The following CHD4 variants were observed in gnomAD, a reference collection of about 807,000 sequenced individuals.
The protein encoded by CHD4 is ATP-dependent chromatin remodeler CHD4.
Under a neutral mutation model 235.5 loss-of-function variants are expected in CHD4, and 35 were observed. The observed-to-expected ratio is 0.15, with a 90% CI of 0.11 to 0.20. The LOEUF (loss-of-function observed/expected upper bound fraction) is 0.20. Among genes scored for constraint, CHD4 ranks in the 10% least tolerant of loss-of-function variants. The pLI, the probability that CHD4 is intolerant of heterozygous loss-of-function variation, is 1.00. For missense variants in CHD4, 1,329 were observed against 2,432.3 expected (o/e 0.55, Z 9.54); for synonymous variants, 900 against 850.2 (o/e 1.06, Z -1.02).
chr12:6,597,190 G>C (rs961245931), intron 12 of CHD4, among the ~76,000 whole-genome samples: 8 of 147,730 alleles, frequency 5.4e-5, no homozygotes, highest in Admixed American at 4.7e-4. Flanking sequence ...GCAGGAAAAT[G>C]GCGTGAACCC....
chr12:6,574,020 C>CA (rs1007652498), intron 37 of CHD4, among the ~76,000 whole-genome samples: 23 of 148,824 alleles, frequency 1.5e-4, no homozygotes, highest in African/African-American at 3.7e-4. Flanking sequence ...GAAACTGTCT[C>CA]AAAAAAAAAG....
chr12:6,601,881 T>A, intron 4 of CHD4, 79 bp downstream of exon 4: 5 of 1,568,124 alleles, frequency 3.2e-6, no homozygotes, highest in Non-Finnish European at 4.4e-6. Flanking sequence ...GAGAAAGTGT[T>A]CTAAAGGGCA....
intron 25 of CHD4, 89 bp downstream of exon 25, chr12:6,587,294 AT>A: frequency 1.5e-6 from 2 of 1,359,034 alleles, no homozygotes; most frequent in Non-Finnish European, 2.0e-6. Context: ...GCCTACAGAT[AT>A]TTTCCACTTG....
In CHD4 at chr12:6,593,254, T is replaced by A; in HGVS notation, c.2515-26A>T. 1 of 1,613,740 alleles carries A rather than the reference T, an allele frequency of 6.2e-7. No individual in the cohort carries two copies. Among genetic ancestry groups the A allele is most frequent in the Non-Finnish European group, 8.5e-7 (1 of 1,179,930 alleles). On this transcript the variant is annotated intron_variant, in intron 16 of 39. Coordinates refer to ENST00000544040, the MANE Select transcript of CHD4 (RefSeq NM_001273.5). This position sits in a 1 kb window ranked among gnomAD's most constrained non-coding sequence, Gnocchi z 4.9. ...CTGCACATGAAGGCAACTTGGTCAC[T>A]ACTAGTCAGTTCCTCTGTGTAAGCA...
Position 6,582,191 on chromosome 12 carries a change from C to G in CHD4, c.4461G>C (p.Leu1487=), listed in dbSNP as rs1397191359. ...TTCTAGTAAGGACATGCTGGCGAGA[C>G]AGGCCTTCTCGGGGGACACCATCAG... ...TFADGVPREG[L]SRQHVLTRIG... The change falls in exon 30 of 40, where the codon CTG becomes CTC. Residue 1487 remains leucine (L), a synonymous_variant. Coordinates refer to ENST00000544040, the MANE Select transcript of CHD4 (RefSeq NM_001273.5). 6.2e-7 allele frequency: 1 copy of G among 1,602,708 alleles called. No individual in the cohort carries two copies. Among genetic ancestry groups the G allele is most frequent in the Admixed American group, 1.8e-5 (1 of 56,610 alleles).
Position 6,587,576 on chromosome 12 carries a change from G to T in CHD4, c.3704-17C>A, listed in dbSNP as rs769951286. On this transcript the variant is annotated splice_polypyrimidine_tract_variant and intron_variant, in intron 24 of 39. Transcript: ENST00000544040. ...TGTCTCCTCCTATAAAAAATCAAGGGCCCACATCCCCAAAGTCAGTTTCAG... is the reference window on the plus strand; with the variant it reads ...TGTCTCCTCCTATAAAAAATCAAGGTCCCACATCCCCAAAGTCAGTTTCAG... 2 of 1,612,842 alleles carry T rather than the reference G, an allele frequency of 1.2e-6. No individual in the cohort carries two copies. Among genetic ancestry groups the T allele is most frequent in the Non-Finnish European group, 1.7e-6 (2 of 1,179,324 alleles).
chr12:6,601,634 C>A lies in CHD4; in HGVS notation c.557+14G>T. On this transcript the variant is annotated intron_variant, in intron 5 of 39. Coordinates refer to ENST00000544040, the MANE Select transcript of CHD4 (RefSeq NM_001273.5). Reference sequence around the variant, plus strand: ...AGATTCTCCTCCCCCTTCCCCAAACCCCTTCTGTTTTACCTGACAAACTGG... The same window carrying A: ...AGATTCTCCTCCCCCTTCCCCAAACACCTTCTGTTTTACCTGACAAACTGG... 1 of 1,613,804 alleles carries A rather than the reference C, an allele frequency of 6.2e-7. No homozygotes were observed. The highest frequency in any genetic ancestry group is 8.5e-7 in the Non-Finnish European group (1 of 1,179,736).
At chr12:6,576,390 A>G (rs1291688196) in intron 37 of CHD4, among the ~76,000 whole-genome samples, 3 of 152,092 alleles carry the variant, frequency 2.0e-5, no homozygotes. Flanking sequence ...TCTCACTCCA[A>G]TGCCTAGGCT....
chr12:6,578,232 C>G, intron 35 of CHD4, 95 bp from the exon 36 acceptor site: 2 of 1,341,184 alleles, frequency 1.5e-6, no homozygotes, highest in Non-Finnish European at 2.1e-6. Context: ...CCATCCCCTA[C>G]CCCTGGATCC....
At position 6,600,384 on chromosome 12, in the gene CHD4, C is replaced by T. The variant is rs780281349; in HGVS notation, c.1075G>A (p.Val359Met). The T allele has an allele frequency of 5.0e-6, 8 of 1,614,076 alleles. No homozygotes were observed. The highest frequency in any genetic ancestry group is 6.8e-6 in the Non-Finnish European group (8 of 1,180,000). Residue 359 changes from valine (V) to methionine (M), a missense_variant, in exon 9 of 40, where the codon GTG becomes ATG. Around this residue, in one of 26 missense-constraint regions of CHD4, gnomAD observed 160 missense variants for 196.6 expected, o/e 0.81. Coordinates refer to ENST00000544040, the MANE Select transcript of CHD4 (RefSeq NM_001273.5). Reference sequence around the variant, plus strand: ...GTCTCATAACCATCCACAGCAGTCACCTCCTCCTCGCCTGGGCAAGGAAGA... The same window carrying T: ...GTCTCATAACCATCCACAGCAGTCATCTCCTCCTCGCCTGGGCAAGGAAGA... Reference protein sequence around the residue: ...TKKKKKGEEEVTAVDGYETDH... With the variant: ...TKKKKKGEEEMTAVDGYETDH...
Position 6,577,725 on chromosome 12 carries a change from A to G in CHD4, c.5361+60T>C, listed in dbSNP as rs536450054. ...TGGATGGACAGACTCCCTCTGCTGC[A>G]GGACGTTACGCACTTTCAAGTTTGT... On this transcript the variant is annotated intron_variant, in intron 37 of 39. Coordinates refer to ENST00000544040, the MANE Select transcript of CHD4 (RefSeq NM_001273.5). 1,065 of 1,602,142 alleles carry G rather than the reference A, an allele frequency of 6.6e-4. 13 individuals carry two copies. In the South Asian group the frequency reaches 0.011, roughly 16 times the overall value.
In CHD4 at chr12:6,593,843, C is replaced by CT. The variant is rs1037971580; in HGVS notation, c.2314-228dup. Reference sequence around the variant, plus strand: ...ACCTCTCCCATTAAGTCTTTATATACTTTTTTTCTGAGACGGAGTTTCACT... The same window carrying CT: ...ACCTCTCCCATTAAGTCTTTATATACTTTTTTTTCTGAGACGGAGTTTCACT... On this transcript the variant is annotated intron_variant, in intron 15 of 39. Transcript: ENST00000544040. The surrounding 1 kb of genome is among the most constrained non-coding windows in gnomAD (Gnocchi z 4.9). Among the ~76,000 whole-genome samples, 1 of 152,176 alleles carries CT rather than the reference C, an allele frequency of 6.6e-6. No homozygotes were observed. Among genetic ancestry groups the CT allele is most frequent in the South Asian group, 2.1e-4 (1 of 4,814 alleles).
In CHD4 at chr12:6,571,051, A is replaced by T. The variant is rs1947958893; in HGVS notation, c.5558-19T>A. The T allele has an allele frequency of 6.2e-7, 1 of 1,612,566 alleles. No individual in the cohort carries two copies. The highest frequency in any genetic ancestry group is 1.7e-5 in the Admixed American group (1 of 59,934). Reference sequence around the variant, plus strand: ...TTCAGAACTGCATAGGGAGAAAAAGAGGTGGTGAGCTGTGGTGGCCCAGAC... The same window carrying T: ...TTCAGAACTGCATAGGGAGAAAAAGTGGTGGTGAGCTGTGGTGGCCCAGAC... On this transcript the variant is annotated intron_variant, in intron 38 of 39. Coordinates refer to ENST00000544040, the MANE Select transcript of CHD4 (RefSeq NM_001273.5).
chr12:6,606,393 G>A lies in CHD4; in HGVS notation c.-20C>T. The A allele has an allele frequency of 3.2e-6, 5 of 1,552,868 alleles. No homozygotes were observed. The highest frequency in any genetic ancestry group is 4.4e-6 in the Non-Finnish European group (5 of 1,147,638). Reference sequence around the variant, plus strand: ...CGCCATCCCCTTCCGCTCCCGGCCAGGGAATTGGCCCAGCTGCTCCTGCCG... The same window carrying A: ...CGCCATCCCCTTCCGCTCCCGGCCAAGGAATTGGCCCAGCTGCTCCTGCCG... On this transcript the variant is annotated 5_prime_UTR_variant, in exon 2 of 40. Transcript: ENST00000544040.
At position 6,596,195 on chromosome 12, in the gene CHD4, T is replaced by A. The variant is rs114554098; in HGVS notation, c.1893-58A>T. ...AGAAAAGGCAACCCTCCTCACTTCCTCTCAAAAACTGGCAATACCGTTTGT... is the reference window on the plus strand; with the variant it reads ...AGAAAAGGCAACCCTCCTCACTTCCACTCAAAAACTGGCAATACCGTTTGT... On this transcript the variant is annotated intron_variant, in intron 12 of 39. Transcript: ENST00000544040. 6.5e-4 allele frequency: 1,044 copies of A among 1,597,514 alleles called. 9 individuals carry two copies. The African/African-American group carries it at 0.012, about 19-fold the overall frequency.
Position 6,600,404 on chromosome 12 carries a change from G to C in CHD4, c.1064-9C>G. On this transcript the variant is annotated splice_polypyrimidine_tract_variant and intron_variant, in intron 8 of 39. Coordinates refer to ENST00000544040, the MANE Select transcript of CHD4 (RefSeq NM_001273.5). ...AGTCACCTCCTCCTCGCCTGGGCAAGGAAGAGGGAAAGCCCAGTTATTGGA... is the reference window on the plus strand; with the variant it reads ...AGTCACCTCCTCCTCGCCTGGGCAACGAAGAGGGAAAGCCCAGTTATTGGA... 1 of 1,613,620 alleles carries C rather than the reference G, an allele frequency of 6.2e-7. No individual in the cohort carries two copies. Among genetic ancestry groups the C allele is most frequent in the Non-Finnish European group, 8.5e-7 (1 of 1,179,708 alleles).
At chr12:6,598,921 T>G (rs1041671568) in intron 10 of CHD4, among the ~76,000 whole-genome samples, 1 of 152,276 alleles carries the variant, frequency 6.6e-6, no homozygotes, top group African/African-American at 2.4e-5. Context: ...AGAAGTATTT[T>G]GGATTTCACA....
chr12:6,587,631 A>G (rs1592270504), intron 24 of CHD4, 72 bp from the exon 25 acceptor site: 1 of 1,606,820 alleles, frequency 6.2e-7, no homozygotes, highest in East Asian at 2.2e-5. Context: ...AAGTCCCACA[A>G]GACCCTTGGT....
chr12:6,586,387 T>A (rs1319029478), intron 25 of CHD4, among the ~76,000 whole-genome samples: 1 of 147,244 alleles, frequency 6.8e-6, no homozygotes, highest in African/African-American at 2.5e-5. Context: ...GGGGAGAGAG[T>A]GAGATTCCAT....
Sources: allele counts gnomAD v4.1 joint callset (sites outside exome capture counted in the v4.1 genomes callset), GRCh38; gene constraint gnomAD v4.1.1; regional missense constraint gnomAD v4.1.1; non-coding constraint Gnocchi (gnomAD v3.1); transcripts MANE v1.5; gene names NCBI Gene and HGNC (gene_info 2026-07-23, HGNC 2026-07-21).